Variants in ARHGAP15 observed in about 807,000 individuals in gnomAD.
ARHGAP15 encodes the protein rho GTPase-activating protein 15.
In ARHGAP15, 51 loss-of-function variants were observed where a neutral mutation model predicts 63.7. That is an observed-to-expected ratio of 0.80 (90% CI 0.64 to 1.01). The LOEUF is 1.01. Among genes scored for constraint, ARHGAP15 ranks in the 50% least tolerant of loss-of-function variants. The probability of loss-of-function intolerance (pLI) is 0.00; values close to 1 mark genes in which losing one functional copy is unlikely to be tolerated. For synonymous variants in ARHGAP15, 191 were observed against 193.8 expected (o/e 0.99, Z 0.12); for missense variants, 560 against 564.6 (o/e 0.99, Z 0.08).
At chr2:143,630,799 T>C (rs997381696) in intron 12 of ARHGAP15, among the ~76,000 whole-genome samples, 1 of 152,114 alleles carries the variant, frequency 6.6e-6, no homozygotes, top group African/African-American at 2.4e-5. Flanking sequence ...TTTTTAATTT[T>C]TAATAATTGA....
chr2:143,543,925 C>T (rs956397824), intron 10 of ARHGAP15, among the ~76,000 whole-genome samples: 2 of 152,082 alleles, frequency 1.3e-5, no homozygotes, highest in African/African-American at 4.8e-5. Context: ...TTAGGTCTCT[C>T]CTAGACCACT....
intron 11 of ARHGAP15, among the ~76,000 whole-genome samples, chr2:143,573,900 A>G (rs1413040216): frequency 6.6e-6 from 1 of 152,118 alleles, no homozygotes; most frequent in Non-Finnish European, 1.5e-5. Context: ...ATTTCTAGAA[A>G]AGGTTGCCTC....
chr2:143,269,428 AT>A (rs1324748526), intron 6 of ARHGAP15, among the ~76,000 whole-genome samples: 1 of 152,148 alleles, frequency 6.6e-6, no homozygotes, highest in Admixed American at 6.5e-5. Flanking sequence ...ATTTGATTGT[AT>A]TTTTTATAAC....
At chr2:143,218,418 A>G (rs1248520293) in intron 4 of ARHGAP15, among the ~76,000 whole-genome samples, 3 of 150,824 alleles carry the variant, frequency 2.0e-5, no homozygotes, top group African/African-American at 7.3e-5. Context: ...TTTTATTATC[A>G]GTCTCCAATC....
chr2:143,703,748 A>C (rs1306248421), intron 13 of ARHGAP15: 1 of 432,724 alleles, frequency 2.3e-6, no homozygotes, highest in African/African-American at 2.1e-5. Context: ...GGCCCTTTCA[A>C]CTAGTATATG....
chr2:143,498,008 A>G (rs1692894781), intron 9 of ARHGAP15, among the ~76,000 whole-genome samples: 1 of 152,172 alleles, frequency 6.6e-6, no homozygotes, highest in Non-Finnish European at 1.5e-5. Context: ...GAGCAAAGGA[A>G]ATATTAATAT....
At chr2:143,647,849 G>T (rs556582584) in intron 12 of ARHGAP15, among the ~76,000 whole-genome samples, 1 of 152,104 alleles carries the variant, frequency 6.6e-6, no homozygotes, top group East Asian at 1.9e-4. Flanking sequence ...CCCAGTGTGA[G>T]AAATAAATTA....
At chr2:143,667,682 A>AT (rs1682296345) in intron 12 of ARHGAP15, among the ~76,000 whole-genome samples, 1 of 151,956 alleles carries the variant, frequency 6.6e-6, no homozygotes, top group African/African-American at 2.4e-5. Flanking sequence ...ATAACTTATT[A>AT]TAAAATTTCA....
intron 8 of ARHGAP15, among the ~76,000 whole-genome samples, chr2:143,476,863 A>G (rs1374772588): frequency 6.6e-6 from 1 of 152,192 alleles, no homozygotes; most frequent in Non-Finnish European, 1.5e-5. Context: ...GTTACATGCG[A>G]TGAGCTTGGG....
chr2:143,131,212 T>A lies in ARHGAP15; in HGVS notation c.-15+1746T>A, dbSNP rs1178597848. On this transcript the variant is annotated intron_variant, in intron 1 of 13. Transcript: ENST00000295095. ...ATTTAGAAAGATCAATGAGTAAAGA[T>A]GATAGGTAAATTAAAATACCTTCAG... Among the ~76,000 whole-genome samples, 4 of 152,170 alleles carry A rather than the reference T, an allele frequency of 2.6e-5. No individual in the cohort carries two copies. The South Asian group carries it at 8.3e-4, about 31-fold the overall frequency.
chr2:143,353,846 A>G (rs945956028), intron 6 of ARHGAP15, among the ~76,000 whole-genome samples: 7 of 152,200 alleles, frequency 4.6e-5, no homozygotes, highest in South Asian at 2.1e-4. Flanking sequence ...CAGAACATCA[A>G]TAATTGTCTT....
intron 6 of ARHGAP15, among the ~76,000 whole-genome samples, chr2:143,321,578 A>G (rs1463718955): frequency 6.6e-6 from 1 of 152,224 alleles, no homozygotes; most frequent in African/African-American, 2.4e-5. Flanking sequence ...AGAGAAATAA[A>G]ATTTTCTTCT....
At position 143,202,124 on chromosome 2, in the gene ARHGAP15, A is replaced by G. The variant is rs968781049; in HGVS notation, c.166-10A>G. 6.9e-6 allele frequency: 11 copies of G among 1,605,298 alleles called. No homozygotes were observed. The highest frequency in any genetic ancestry group is 7.7e-6 in the Non-Finnish European group (9 of 1,172,652). ...TTATGTAATAATATCCAATGTCAAT[A>G]TATTTGCAGATATCCAGACACAGAA... On this transcript the variant is annotated splice_polypyrimidine_tract_variant and intron_variant, in intron 2 of 13. Transcript: ENST00000295095.
intron 12 of ARHGAP15, chr2:143,676,445 A>G (rs1682829131): frequency 6.6e-6 from 1 of 152,156 alleles, no homozygotes; most frequent in Non-Finnish European, 1.5e-5. Context: ...ACTAAGCTCA[A>G]TCCTGTTCTG....
At chr2:143,444,322 T>G (rs1175960308) in intron 8 of ARHGAP15, among the ~76,000 whole-genome samples, 3 of 152,208 alleles carry the variant, frequency 2.0e-5, no homozygotes, top group Non-Finnish European at 4.4e-5. Flanking sequence ...TTTGGTATCC[T>G]CAGAAAGTGT....
rs1435912220 is a variant in ARHGAP15 at position 143,536,818 on chromosome 2, G to A, written c.925+17454G>A. Among the ~76,000 whole-genome samples, 4 of 151,736 alleles carry A rather than the reference G, an allele frequency of 2.6e-5. No homozygotes were observed. The East Asian group carries it at 7.7e-4, about 29-fold the overall frequency. ...TTCCAAGTCTTTGCTATTGTGAATA[G>A]TGCCGCAATAAACATACGTGTGCAT... On this transcript the variant is annotated intron_variant, in intron 10 of 13. Transcript: ENST00000295095.
At chr2:143,546,545 TTTTC>T (rs1695339178) in intron 10 of ARHGAP15, among the ~76,000 whole-genome samples, 2 of 152,150 alleles carry the variant, frequency 1.3e-5, no homozygotes, top group Non-Finnish European at 1.5e-5. Flanking sequence ...AGGAATCTGG[TTTTC>T]TTTCTTTAAA....
At chr2:143,632,901 A>T (rs1680119396) in intron 12 of ARHGAP15, among the ~76,000 whole-genome samples, 1 of 152,164 alleles carries the variant, frequency 6.6e-6, no homozygotes, top group Non-Finnish European at 1.5e-5. Context: ...TCTTTAGGAG[A>T]AAAGAAACAG....
At chr2:143,234,852 A>G (rs570647181) in intron 5 of ARHGAP15, among the ~76,000 whole-genome samples, 1 of 152,144 alleles carries the variant, frequency 6.6e-6, no homozygotes, top group Non-Finnish European at 1.5e-5. Flanking sequence ...TCCCTCACTG[A>G]ATTCATATTC....
Sources: gnomAD v4.1 joint callset for allele counts (sites outside exome capture counted in the v4.1 genomes callset) on GRCh38, gnomAD v4.1.1 for gene constraint, MANE v1.5 for transcripts, NCBI Gene and HGNC (gene_info 2026-07-23, HGNC 2026-07-21) for gene names.